Variants in REXO5 observed in about 807,000 individuals in gnomAD.
The protein encoded by REXO5 is RNA exonuclease 5, also known as exonuclease NEF-sp.
In REXO5, 48 loss-of-function variants were observed where a neutral mutation model predicts 88.5. The ratio of observed to expected loss-of-function variants is 0.54; its 90% CI spans 0.43 to 0.69. The LOEUF is 0.69. REXO5 is among the 30% of genes least tolerant of loss of function. The probability of loss-of-function intolerance (pLI) is 0.00; values close to 1 mark genes in which losing one functional copy is unlikely to be tolerated. For synonymous variants in REXO5, 311 were observed against 336.5 expected, an observed-to-expected ratio of 0.92 and a Z score of 0.83; for missense variants, 749 against 912.2, an observed-to-expected ratio of 0.82 and a Z score of 2.30.
intron 11 of REXO5, among the ~76,000 whole-genome samples, chr16:20,831,439 T>C (rs2081343329): frequency 6.6e-6 from 1 of 152,114 alleles, no homozygotes; most frequent in South Asian, 2.1e-4. Flanking sequence ...GAATTAAGCA[T>C]GGGCTTAATT....
intron 13 of REXO5, among the ~76,000 whole-genome samples, chr16:20,833,569 A>G (rs1301128995): frequency 6.6e-5 from 10 of 152,048 alleles, no homozygotes. Flanking sequence ...AATAATTTCA[A>G]CCTTACAGAA....
chr16:20,839,499 G>T (rs2081492166), intron 13 of REXO5, among the ~76,000 whole-genome samples: 1 of 151,750 alleles, frequency 6.6e-6, no homozygotes, highest in Non-Finnish European at 1.5e-5. Flanking sequence ...GAAAATTTTT[G>T]TAATAGCCCT....
chr16:20,845,754 A>G (rs1307404695), intron 18 of REXO5, among the ~76,000 whole-genome samples: 1 of 152,034 alleles, frequency 6.6e-6, no homozygotes. Flanking sequence ...AACTCACTTT[A>G]TGGAAAAATG....
intron 5 of REXO5, among the ~76,000 whole-genome samples, chr16:20,816,590 C>T (rs1368451232): frequency 6.6e-6 from 1 of 152,148 alleles, no homozygotes; most frequent in Non-Finnish European, 1.5e-5. Context: ...ATCTTCCCAC[C>T]TTGGCTTCCC....
At chr16:20,806,435 G>A (rs759054050), upstream of REXO5, 80 of 1,553,154 alleles carry the variant, frequency 5.2e-5, no homozygotes, top group Non-Finnish European at 6.6e-5. Context: ...CGCCATTCCC[G>A]ACACTCCTTG....
At chr16:20,826,686 T>C (rs1390190553) in intron 8 of REXO5, among the ~76,000 whole-genome samples, 1 of 152,236 alleles carries the variant, frequency 6.6e-6, no homozygotes, top group East Asian at 1.9e-4. Context: ...TGTATCTGTA[T>C]AATGGAATAC....
intron 19 of REXO5, among the ~76,000 whole-genome samples, chr16:20,848,859 C>G (rs182706553): frequency 1.2e-4 from 18 of 152,324 alleles, no homozygotes; most frequent in South Asian, 1.0e-3. Context: ...ATGGAATGAA[C>G]AAAGACTAAG....
At chr16:20,840,895 T>C (rs2081517735) in intron 15 of REXO5, among the ~76,000 whole-genome samples, 1 of 152,336 alleles carries the variant, frequency 6.6e-6, no homozygotes, top group East Asian at 1.9e-4. Flanking sequence ...CGAAAAAATA[T>C]GTCTGCTGGT....
At chr16:20,843,267 C>T (rs1000272691) in intron 15 of REXO5, among the ~76,000 whole-genome samples, 40 of 152,032 alleles carry the variant, frequency 2.6e-4, no homozygotes, top group African/African-American at 8.9e-4. Context: ...TCTGTACATT[C>T]TGGATATTAA....
chr16:20,848,492 C>T (rs1203849440), intron 19 of REXO5, among the ~76,000 whole-genome samples: 2 of 152,178 alleles, frequency 1.3e-5, no homozygotes, highest in Non-Finnish European at 1.5e-5. Context: ...CTAGTAAGTG[C>T]ATAGTCAGGA....
intron 2 of REXO5, among the ~76,000 whole-genome samples, chr16:20,811,069 T>G (rs969789337): frequency 6.6e-5 from 10 of 152,150 alleles, no homozygotes; most frequent in African/African-American, 2.4e-4. Context: ...GACGTCCTTG[T>G]GCTGCTGAGG....
Position 20,843,974 on chromosome 16 carries a change from A to G in REXO5, c.1667A>G (p.Gln556Arg). The change falls in exon 16 of 20, where the codon CAG becomes CGG. Residue 556 changes from glutamine to arginine, a missense_variant. By Grantham distance (43) the Gln-to-Arg change is conservative. Coordinates refer to ENST00000261377, the MANE Select transcript of REXO5 (RefSeq NM_030941.3). ...CIQYEVLEAA[Q>R]LAIESLDGIL... ...CAGTATGAAGTCCTAGAAGCTGCCC[A>G]GCTGGCCATAGAATCCTTGGATGGT... is the stretch of plus-strand genomic sequence containing the variant. The G allele has an allele frequency of 6.2e-7, 1 of 1,609,084 alleles. No homozygotes were observed. Among genetic ancestry groups the G allele is most frequent in the Non-Finnish European group, 8.5e-7 (1 of 1,175,318 alleles).
At position 20,839,840 on chromosome 16, in the gene REXO5, C is replaced by G; in HGVS notation, c.1469C>G (p.Thr490Ser). The stretch of plus-strand genomic sequence containing the variant: ...TTTAAGGCCTTTTCACCTGTCCTCA[C>G]TGAGGAGATGAACAAAAGGGTAAGT... ...FSFKAFSPVL[T>S]EEMNKRMRIK... The change falls in exon 14 of 20, where the codon ACT becomes AGT. Residue 490 changes from threonine to serine, a missense_variant. By Grantham distance (58) the Thr-to-Ser change is moderately conservative. Transcript: ENST00000261377. The G allele has an allele frequency of 6.2e-7, 1 of 1,610,542 alleles. No individual in the cohort carries two copies. The highest frequency in any genetic ancestry group is 2.2e-5 in the East Asian group (1 of 44,852).
chr16:20,825,426 G>GT (rs745329232), intron 7 of REXO5: 1 of 155,096 alleles, frequency 6.4e-6, no homozygotes, highest in Non-Finnish European at 1.4e-5. Flanking sequence ...TGAAGTGGGG[G>GT]TAATAATAAA....
intron 11 of REXO5, among the ~76,000 whole-genome samples, chr16:20,829,685 T>C (rs2081311560): frequency 6.6e-6 from 1 of 152,226 alleles, no homozygotes; most frequent in Non-Finnish European, 1.5e-5. Context: ...TACATTATCT[T>C]ATTTAATCCT....
intron 19 of REXO5, among the ~76,000 whole-genome samples, chr16:20,847,069 A>G (rs1385587275): frequency 2.0e-5 from 3 of 152,142 alleles, no homozygotes; most frequent in African/African-American, 7.2e-5. Context: ...GCTTTTTTGA[A>G]CAGTGTGAAA....
chr16:20,813,879 C>T (rs566240755), intron 3 of REXO5, among the ~76,000 whole-genome samples: 2 of 151,878 alleles, frequency 1.3e-5, no homozygotes, highest in African/African-American at 4.8e-5. Flanking sequence ...GGCAACATAG[C>T]GAGACTCAGG....
chr16:20,816,183 G>C lies in REXO5; in HGVS notation c.446G>C (p.Arg149Thr). The C allele has an allele frequency of 6.2e-7, 1 of 1,614,050 alleles. No homozygotes were observed. The highest frequency in any genetic ancestry group is 1.6e-4 in the Middle Eastern group (1 of 6,062). Residue 149 changes from arginine to threonine, a missense_variant, in exon 5 of 20, where the codon AGA (arginine) becomes ACA (threonine). Coordinates refer to ENST00000261377, the MANE Select transcript of REXO5 (RefSeq NM_030941.3). ...GTTGTTGGGCTACAAACTGAACAAA[G>C]AGCTGGAGATCTGCCCAAGACAATG... ...ADVVGLQTEQRAGDLPKTMEG... is the reference protein window; with the variant it reads ...ADVVGLQTEQTAGDLPKTMEG...
chr16:20,832,952 C>A (rs1332475174), intron 12 of REXO5, 51 bp from the exon 13 acceptor site: 3 of 1,553,314 alleles, frequency 1.9e-6, no homozygotes, highest in East Asian at 2.3e-5. Flanking sequence ...AAATAACTGT[C>A]AGGTTCTGGA....
Sources: gnomAD v4.1 joint callset for allele counts (sites outside exome capture counted in the v4.1 genomes callset) on GRCh38, gnomAD v4.1.1 for gene constraint, MANE v1.5 for transcripts, NCBI Gene and HGNC (gene_info 2026-07-23, HGNC 2026-07-21) for gene names.